The following PPP2R2B variants were observed in gnomAD, a reference collection of about 807,000 sequenced individuals.
The protein encoded by PPP2R2B is protein phosphatase 2 regulatory subunit Bbeta.
Under a neutral mutation model 46.0 loss-of-function variants are expected in PPP2R2B, and 5 were observed. That is an observed-to-expected ratio of 0.11 (90% CI 0.06 to 0.23). The LOEUF (loss-of-function observed/expected upper bound fraction) is 0.23, where lower values mean the gene tolerates loss of function less well. PPP2R2B is among the 10% of genes least tolerant of loss of function. The pLI is 1.00. For synonymous variants in PPP2R2B, 215 were observed against 206.7 expected (o/e 1.04, Z -0.34); for missense variants, 367 against 575.0 (o/e 0.64, Z 3.70).
At chr5:146,749,124 T>C (rs1753376893) in intron 2 of PPP2R2B, among the ~76,000 whole-genome samples, 1 of 152,240 alleles carries the variant, frequency 6.6e-6, no homozygotes, top group Non-Finnish European at 1.5e-5. Flanking sequence ...TGTATCTCAT[T>C]GTGCTTTAAT....
chr5:146,856,675 A>T (rs1250158926), intron 2 of PPP2R2B: 12 of 854,466 alleles, frequency 1.4e-5, no homozygotes, highest in Non-Finnish European at 1.7e-5. Context: ...TACTTTCCAC[A>T]TACCCCCTAC....
intron 2 of PPP2R2B, among the ~76,000 whole-genome samples, chr5:147,072,214 A>G (rs1757622415): frequency 6.6e-6 from 1 of 152,192 alleles, no homozygotes; most frequent in Admixed American, 6.5e-5. Flanking sequence ...TTTGTCTGCA[A>G]TGTGGGATTA....
At chr5:147,065,102 A>G (rs1442354429) in intron 2 of PPP2R2B, among the ~76,000 whole-genome samples, 1 of 152,192 alleles carries the variant, frequency 6.6e-6, no homozygotes, top group Non-Finnish European at 1.5e-5. Context: ...GACATGTTAG[A>G]TATAATCCTG....
At chr5:146,966,577 T>G (rs1337321089) in intron 1 of PPP2R2B, among the ~76,000 whole-genome samples, 1 of 152,242 alleles carries the variant, frequency 6.6e-6, no homozygotes, top group Non-Finnish European at 1.5e-5. Flanking sequence ...AAGCATATCG[T>G]TGTCTGAAAA....
intron 2 of PPP2R2B, among the ~76,000 whole-genome samples, chr5:146,765,233 A>G (rs535914464): frequency 1.3e-5 from 2 of 152,338 alleles, no homozygotes; most frequent in South Asian, 4.1e-4. Flanking sequence ...TAGTTTTCAT[A>G]TGATATCTGA....
chr5:146,589,417 G>A lies in PPP2R2B; in HGVS notation c.*530C>T, dbSNP rs116097127. ...ATAAATCTCTGGCTTAAATGAAATT[G>A]TTCAAAGGAAAATGGAAAATGGAAA... On this transcript the variant is annotated 3_prime_UTR_variant, in exon 10 of 10. Coordinates refer to ENST00000394411, the MANE Select transcript of PPP2R2B (RefSeq NM_181675.4). 0.019 allele frequency: 2,937 copies of A among 153,992 alleles called. 33 individuals carry two copies. Among genetic ancestry groups the A allele is most frequent in the African/African-American group, 0.023 (952 of 41,494 alleles). The allele number at this position is 153,992 out of a possible 1,614,324, so 9.5% of individuals were successfully genotyped here.
At chr5:146,729,880 G>T (rs1752122027) in intron 2 of PPP2R2B, among the ~76,000 whole-genome samples, 1 of 152,246 alleles carries the variant, frequency 6.6e-6, no homozygotes, top group South Asian at 2.1e-4. Flanking sequence ...TGCTAGGGCA[G>T]TGTGGAAGGG....
chr5:146,727,781 C>T lies in PPP2R2B; in HGVS notation c.71-26639G>A, dbSNP rs11949763. Among the ~76,000 whole-genome samples, 820 of 152,170 alleles carry T rather than the reference C, an allele frequency of 5.4e-3. 4 individuals carry two copies. The highest frequency in any genetic ancestry group is 0.019 in the African/African-American group (780 of 41,524). ...TATAATCACCAAGTTGTGCAGATCT[C>T]TAAAACTTCTTCTTCTTGTGTAATT... On this transcript the variant is annotated intron_variant, in intron 2 of 9. Transcript: ENST00000394411.
At chr5:146,667,144 G>A (rs1777033002) in intron 5 of PPP2R2B, among the ~76,000 whole-genome samples, 1 of 152,122 alleles carries the variant, frequency 6.6e-6, no homozygotes. Context: ...GAAGACAATG[G>A]CAATGTTCTG....
At chr5:146,794,932 C>T (rs1051071067) in intron 2 of PPP2R2B, among the ~76,000 whole-genome samples, 6 of 152,090 alleles carry the variant, frequency 3.9e-5, no homozygotes, top group Admixed American at 2.0e-4. Flanking sequence ...AAAATCAAGA[C>T]AATGAATAGT....
chr5:146,843,658 G>A (rs933646798), intron 2 of PPP2R2B, among the ~76,000 whole-genome samples: 2 of 152,038 alleles, frequency 1.3e-5, no homozygotes, highest in Non-Finnish European at 2.9e-5. Flanking sequence ...CTATAACTTG[G>A]GAATGGTTCT....
intron 2 of PPP2R2B, among the ~76,000 whole-genome samples, chr5:147,073,138 A>G (rs1757654651): frequency 6.6e-6 from 1 of 152,232 alleles, no homozygotes; most frequent in Non-Finnish European, 1.5e-5. Context: ...TAGGTGCTCC[A>G]TAAATATTTG....
intron 2 of PPP2R2B, among the ~76,000 whole-genome samples, chr5:146,782,896 G>A (rs1181857517): frequency 6.6e-6 from 1 of 152,038 alleles, no homozygotes; most frequent in East Asian, 1.9e-4. Flanking sequence ...GAAAAGGAGA[G>A]AGAGAAAGAA....
chr5:146,706,769 T>C lies in PPP2R2B; in HGVS notation c.71-5627A>G. 1.4e-5 allele frequency: 11 copies of C among 808,166 alleles called. No individual in the cohort carries two copies. The South Asian group carries it at 1.5e-4, about 11-fold the overall frequency. The allele number at this position is 808,166 out of a possible 1,614,324, so 50.1% of individuals were successfully genotyped here. On this transcript the variant is annotated intron_variant, in intron 2 of 9. Coordinates refer to ENST00000394411, the MANE Select transcript of PPP2R2B (RefSeq NM_181675.4). Reference sequence around the variant, plus strand: ...CGTCTGCAGCTCCTCATACTTGATCTGATACATGCTCTCGGCCTCAGCCCG... The same window carrying C: ...CGTCTGCAGCTCCTCATACTTGATCCGATACATGCTCTCGGCCTCAGCCCG...
chr5:146,756,641 ACC>A (rs1301251936), intron 2 of PPP2R2B, among the ~76,000 whole-genome samples: 1 of 152,128 alleles, frequency 6.6e-6, no homozygotes, highest in African/African-American at 2.4e-5. Context: ...GATATTTAAA[ACC>A]CTTTAACTTA....
At chr5:146,777,224 G>C (rs1415310169) in intron 2 of PPP2R2B, among the ~76,000 whole-genome samples, 3 of 152,066 alleles carry the variant, frequency 2.0e-5, no homozygotes, top group Admixed American at 6.6e-5. Flanking sequence ...AAACACCTAA[G>C]TGCTCATCAA....
At chr5:146,757,144 G>A (rs914066402) in intron 2 of PPP2R2B, among the ~76,000 whole-genome samples, 5 of 152,066 alleles carry the variant, frequency 3.3e-5, no homozygotes, top group Admixed American at 3.3e-4. Flanking sequence ...CAAGTGTGAG[G>A]AACTGACAGG....
At chr5:146,929,623 T>G (rs950882223) in intron 1 of PPP2R2B, among the ~76,000 whole-genome samples, 2 of 151,966 alleles carry the variant, frequency 1.3e-5, no homozygotes, top group African/African-American at 4.8e-5. Context: ...TTATGAGAAG[T>G]CCTACAGGAA....
intron 5 of PPP2R2B, among the ~76,000 whole-genome samples, chr5:146,682,700 C>T (rs1393226928): frequency 2.6e-5 from 4 of 152,158 alleles, no homozygotes; most frequent in Non-Finnish European, 5.9e-5. Flanking sequence ...AATAGTGTTA[C>T]TATTATAGCA....
Sources: gnomAD v4.1 joint callset for allele counts (sites outside exome capture counted in the v4.1 genomes callset) on GRCh38, gnomAD v4.1.1 for gene constraint, MANE v1.5 for transcripts, NCBI Gene and HGNC (gene_info 2026-07-23, HGNC 2026-07-21) for gene names.